ROBO2: variants seen among roughly 807,000 people sequenced by gnomAD.
The protein encoded by ROBO2 is roundabout guidance receptor 2, also known as roundabout homolog 2.
ROBO2 carries 53 observed loss-of-function variants against 160.8 expected under a neutral mutation model. The ratio of observed to expected loss-of-function variants is 0.33; its 90% CI spans 0.26 to 0.41. The LOEUF is 0.41. Among genes scored for constraint, ROBO2 ranks in the 10% least tolerant of loss-of-function variants. ROBO2 has a pLI of 1.00. For missense variants in ROBO2, 1,577 were observed against 1,722.4 expected, an observed-to-expected ratio of 0.92 and a Z score of 1.49; for synonymous variants, 664 against 611.7, an observed-to-expected ratio of 1.09 and a Z score of -1.26.
intron 2 of ROBO2, among the ~76,000 whole-genome samples, chr3:76,502,772 G>A (rs1392373051): frequency 2.6e-5 from 4 of 151,968 alleles, no homozygotes; most frequent in Admixed American, 6.6e-5. Context: ...TAATTATAAA[G>A]AATATCAAAT....
intron 2 of ROBO2, among the ~76,000 whole-genome samples, chr3:77,247,764 A>G (rs2089898602): frequency 6.6e-6 from 1 of 152,140 alleles, no homozygotes; most frequent in South Asian, 2.1e-4. Flanking sequence ...TCTGACTGAC[A>G]GGGTTTGAAT....
At chr3:76,806,882 A>G (rs1276831879) in intron 2 of ROBO2, among the ~76,000 whole-genome samples, 1 of 152,066 alleles carries the variant, frequency 6.6e-6, no homozygotes, top group African/African-American at 2.4e-5. Flanking sequence ...TCTTAGTATC[A>G]TATTTTGTAC....
At chr3:77,535,819 A>T (rs1276139839) in intron 6 of ROBO2, among the ~76,000 whole-genome samples, 1 of 152,150 alleles carries the variant, frequency 6.6e-6, no homozygotes, top group East Asian at 1.9e-4. Flanking sequence ...TATAATTTAA[A>T]AGTTCTGTGA....
At chr3:76,142,904 TC>T (rs1463819852) in intron 2 of ROBO2, among the ~76,000 whole-genome samples, 2 of 151,870 alleles carry the variant, frequency 1.3e-5, no homozygotes, top group Non-Finnish European at 2.9e-5. Context: ...CAAAACATCT[TC>T]GCATGCCTCA....
intron 2 of ROBO2, among the ~76,000 whole-genome samples, chr3:76,006,442 T>C (rs886894938): frequency 8.5e-5 from 13 of 152,132 alleles, no homozygotes; most frequent in Non-Finnish European, 2.9e-5. Flanking sequence ...CAAAGTTATA[T>C]TGGTGTGATG....
At chr3:76,840,425 C>T (rs1004018333) in intron 2 of ROBO2, among the ~76,000 whole-genome samples, 3 of 151,024 alleles carry the variant, frequency 2.0e-5, no homozygotes, top group East Asian at 2.0e-4. Context: ...CTGGCTAACA[C>T]GGTGAAACCC....
intron 2 of ROBO2, among the ~76,000 whole-genome samples, chr3:77,425,954 C>A (rs72899175): frequency 2.0e-5 from 3 of 151,862 alleles, no homozygotes; most frequent in African/African-American, 7.3e-5. Flanking sequence ...TGAGCCACAG[C>A]GCCCAGCCCC....
In ROBO2 at chr3:77,351,728, C is replaced by G. The variant is rs2068360792; in HGVS notation, c.389-125686C>G. ...ACCAGGTTCTCTAATCAGCCTAAAG[C>G]TGTTGAGAGTGAATTAGGAAGCACT... is the stretch of plus-strand genomic sequence containing the variant. On this transcript the variant is annotated intron_variant, in intron 2 of 25. Coordinates refer to ENST00000461745, the Ensembl canonical transcript of ROBO2. Among the ~76,000 whole-genome samples the G allele has an allele frequency of 3.3e-5, 5 of 152,210 alleles. No homozygotes were observed. The South Asian group carries it at 1.0e-3, about 32-fold the overall frequency.
intron 2 of ROBO2, among the ~76,000 whole-genome samples, chr3:75,977,678 GA>G (rs1437533397): frequency 6.6e-6 from 1 of 151,430 alleles, no homozygotes; most frequent in Admixed American, 6.6e-5. Flanking sequence ...AAGGAAATTT[GA>G]AAAGAGTGAA....
At chr3:77,180,435 T>TATATATATATATA (rs1491200828) in intron 2 of ROBO2, among the ~76,000 whole-genome samples, 24 of 63,872 alleles carry the variant, frequency 3.8e-4, no homozygotes, top group Non-Finnish European at 6.6e-4. Flanking sequence ...TATATATGTA[T>TATATATATATATA]TTTTTTTTTT....
intron 2 of ROBO2, chr3:76,434,235 T>A (rs1215840063): frequency 3.9e-6 from 4 of 1,027,678 alleles, no homozygotes; most frequent in Non-Finnish European, 4.7e-6. Context: ...CCACACAGGT[T>A]TGACGTTGGA....
intron 2 of ROBO2, among the ~76,000 whole-genome samples, chr3:76,253,036 A>G (rs1261341205): frequency 2.0e-5 from 3 of 152,068 alleles, no homozygotes; most frequent in Non-Finnish European, 4.4e-5. Context: ...AGCTGATTTT[A>G]GAGTTAGTCA....
At chr3:76,524,913 T>G (rs2081866903) in intron 2 of ROBO2, among the ~76,000 whole-genome samples, 1 of 144,336 alleles carries the variant, frequency 6.9e-6, no homozygotes, top group African/African-American at 2.6e-5. Context: ...CGCCTCACAT[T>G]GGATTTATAA....
intron 2 of ROBO2, among the ~76,000 whole-genome samples, chr3:76,160,717 C>CT (rs1577100072): frequency 1.3e-5 from 2 of 152,092 alleles, no homozygotes; most frequent in East Asian, 3.8e-4. Flanking sequence ...ATTCATGTTG[C>CT]TATGAGAGGG....
At chr3:76,091,019 G>C (rs1375069167) in intron 2 of ROBO2, among the ~76,000 whole-genome samples, 1 of 152,150 alleles carries the variant, frequency 6.6e-6, no homozygotes, top group Non-Finnish European at 1.5e-5. Flanking sequence ...TAGCATAGGA[G>C]AAAATCTGTG....
chr3:76,221,022 T>TA (rs1287919679), intron 2 of ROBO2, among the ~76,000 whole-genome samples: 8 of 147,318 alleles, frequency 5.4e-5, no homozygotes, highest in Non-Finnish European at 1.1e-4. Flanking sequence ...AACATGGTAA[T>TA]ACTAGGAGAC....
intron 22 of ROBO2, 144 bp from the exon 24 acceptor site, chr3:77,622,083 G>C: frequency 1.4e-6 from 1 of 692,892 alleles, no homozygotes; most frequent in Non-Finnish European, 2.4e-6. Context: ...CATTGTTTCT[G>C]CTGAAAGCAT....
At chr3:76,693,717 G>A (rs999401673) in intron 2 of ROBO2, among the ~76,000 whole-genome samples, 1 of 152,082 alleles carries the variant, frequency 6.6e-6, no homozygotes, top group Non-Finnish European at 1.5e-5. Flanking sequence ...TGGGGCCACT[G>A]GTGCAAGTTA....
intron 2 of ROBO2, among the ~76,000 whole-genome samples, chr3:76,429,317 C>T (rs1400633134): frequency 6.6e-6 from 1 of 151,970 alleles, no homozygotes; most frequent in Non-Finnish European, 1.5e-5. Context: ...GGGTAAAAAG[C>T]GACAAAAGGA....
Sources: gnomAD v4.1 joint callset for allele counts (sites outside exome capture counted in the v4.1 genomes callset) on GRCh38, gnomAD v4.1.1 for gene constraint, MANE v1.5 for transcripts, NCBI Gene and HGNC (gene_info 2026-07-23, HGNC 2026-07-21) for gene names.